Variants in NPSR1 observed in about 807,000 individuals in gnomAD.
NPSR1 encodes the protein neuropeptide S receptor.
NPSR1 carries 48 observed loss-of-function variants against 46.9 expected under a neutral mutation model. The ratio of observed to expected loss-of-function variants is 1.02; its 90% CI spans 0.81 to 1.30. The LOEUF is 1.30. Ranked by LOEUF, NPSR1 falls within the 50% of genes most tolerant of loss-of-function variation. The pLI is 0.00. For missense variants in NPSR1, 450 were observed against 449.5 expected (o/e 1.00, Z -0.01); for synonymous variants, 176 against 168.1 (o/e 1.05, Z -0.36).
intron 4 of NPSR1, among the ~76,000 whole-genome samples, chr7:34,823,306 C>A (rs964270223): frequency 6.7e-6 from 1 of 148,484 alleles, no homozygotes; most frequent in African/African-American, 2.5e-5. Context: ...GCACAAGAAT[C>A]GCTTGAACCT....
chr7:34,730,041 T>G (rs1354848986), intron 2 of NPSR1, among the ~76,000 whole-genome samples: 1 of 152,230 alleles, frequency 6.6e-6, no homozygotes, highest in Non-Finnish European at 1.5e-5. Flanking sequence ...CCCAAAGTGC[T>G]GGGATTACAG....
intron 2 of NPSR1, chr7:34,753,780 T>C (rs1223854070): frequency 1.3e-5 from 2 of 152,052 alleles, no homozygotes; most frequent in Non-Finnish European, 2.9e-5. Context: ...GGAAGGAGGA[T>C]TGCTTGAAGC....
chr7:34,687,653 C>T (rs1310916417), intron 2 of NPSR1, among the ~76,000 whole-genome samples: 1 of 152,160 alleles, frequency 6.6e-6, no homozygotes, highest in Non-Finnish European at 1.5e-5. Flanking sequence ...GCCCTTGACA[C>T]ATGGGGGTTA....
At chr7:34,820,309 T>G (rs1789490244) in intron 4 of NPSR1, among the ~76,000 whole-genome samples, 1 of 152,178 alleles carries the variant, frequency 6.6e-6, no homozygotes, top group Admixed American at 6.5e-5. Context: ...GGTTTAGAAG[T>G]TAATTTTAAA....
intron 2 of NPSR1, among the ~76,000 whole-genome samples, chr7:34,745,667 C>T (rs1014623287): frequency 6.6e-5 from 10 of 152,130 alleles, no homozygotes; most frequent in African/African-American, 2.2e-4. Flanking sequence ...TATAGGTGTG[C>T]ACCACCAAGC....
intron 1 of NPSR1, among the ~76,000 whole-genome samples, chr7:34,668,578 A>G (rs11765573): frequency 0.059 from 9,029 of 152,186 alleles, 407 homozygotes; most frequent in Admixed American, 0.14. Context: ...GAAACAAATA[A>G]CTGGATATTC....
chr7:34,863,602 G>A (rs1791239197), intron 8 of NPSR1, among the ~76,000 whole-genome samples: 1 of 151,826 alleles, frequency 6.6e-6, no homozygotes, highest in Non-Finnish European at 1.5e-5. Flanking sequence ...AGACATTTAT[G>A]CAGCTAACAA....
At position 34,829,178 on chromosome 7, in the gene NPSR1, T is replaced by G. The variant is rs6979428; in HGVS notation, c.680+1576T>G. Among the ~76,000 whole-genome samples, 1,075 of 152,220 alleles carry G rather than the reference T, an allele frequency of 7.1e-3. 12 individuals are homozygous for G. Among genetic ancestry groups the G allele is most frequent in the African/African-American group, 0.025 (1,030 of 41,530 alleles). On this transcript the variant is annotated intron_variant, in intron 5 of 8. Coordinates refer to ENST00000360581, the MANE Select transcript of NPSR1 (RefSeq NM_207172.2). The stretch of plus-strand genomic sequence containing the variant: ...CCTGAATTTTTCATAAGAGTAGAAT[T>G]AAGACTAAAAGAAGTTAACTGCCTT...
intron 4 of NPSR1, among the ~76,000 whole-genome samples, chr7:34,819,986 G>T (rs948581955): frequency 6.6e-6 from 1 of 152,042 alleles, no homozygotes; most frequent in Non-Finnish European, 1.5e-5. Context: ...CAAGTTGATG[G>T]GTGCAGCAAA....
chr7:34,798,076 A>G (rs989883654), intron 3 of NPSR1, among the ~76,000 whole-genome samples: 12 of 152,214 alleles, frequency 7.9e-5, no homozygotes, highest in African/African-American at 2.9e-4. Context: ...AGCACAAATC[A>G]ATATAAAGGA....
At chr7:34,660,478 G>A (rs1367311200) in intron 1 of NPSR1, among the ~76,000 whole-genome samples, 2 of 152,096 alleles carry the variant, frequency 1.3e-5, no homozygotes, top group Non-Finnish European at 2.9e-5. Context: ...CATTTTATCT[G>A]ACATACTTCT....
At chr7:34,712,495 CT>C (rs1783349488) in intron 2 of NPSR1, among the ~76,000 whole-genome samples, 2 of 152,182 alleles carry the variant, frequency 1.3e-5, no homozygotes, top group South Asian at 4.1e-4. Context: ...AATGTTCCAT[CT>C]ATTTTTCTGT....
At chr7:34,712,979 G>C (rs1783376665) in intron 2 of NPSR1, among the ~76,000 whole-genome samples, 1 of 152,136 alleles carries the variant, frequency 6.6e-6, no homozygotes, top group African/African-American at 2.4e-5. Flanking sequence ...TCTAAATGGG[G>C]GGAAAAGTCC....
rs143865156 is a variant in NPSR1, at chr7:34,778,476, C to T, written c.295C>T (p.Leu99=). 35 of 1,603,388 alleles carry T rather than the reference C, an allele frequency of 2.2e-5. No individual in the cohort carries two copies. The African/African-American group carries it at 4.3e-4, about 20-fold the overall frequency. ...QLAITDSFTG[L]VNILTDINWR... ...GTTTTTGTTAGATTCTTTCACAGGACTGGTCAACATCTTGACAGATATTAA... is the reference window on the plus strand; with the variant it reads ...GTTTTTGTTAGATTCTTTCACAGGATTGGTCAACATCTTGACAGATATTAA... The change falls in exon 3 of 9, where the codon CTG becomes TTG. Residue 99 remains leucine, a synonymous_variant. Coordinates refer to ENST00000360581, the MANE Select transcript of NPSR1 (RefSeq NM_207172.2).
At chr7:34,775,124 T>A (rs1368478328) in intron 2 of NPSR1, among the ~76,000 whole-genome samples, 1 of 152,218 alleles carries the variant, frequency 6.6e-6, no homozygotes, top group African/African-American at 2.4e-5. Context: ...TAGACACTTC[T>A]TGTTGACTCT....
chr7:34,680,864 G>A (rs1425246845), intron 1 of NPSR1, among the ~76,000 whole-genome samples: 1 of 151,682 alleles, frequency 6.6e-6, no homozygotes, highest in African/African-American at 2.4e-5. Context: ...TAGAAATCAG[G>A]TTAGAGGTAA....
Position 34,707,921 on chromosome 7 carries a change from C to A in NPSR1, c.280+23237C>A, listed in dbSNP as rs138484938. 1.2e-4 allele frequency among the ~76,000 whole-genome samples: 19 copies of A among 152,248 alleles called. No individual in the cohort carries two copies. The East Asian group carries it at 3.1e-3, about 25-fold the overall frequency. On this transcript the variant is annotated intron_variant, in intron 2 of 8. Coordinates refer to ENST00000360581, the MANE Select transcript of NPSR1 (RefSeq NM_207172.2). Reference sequence around the variant, plus strand: ...AGTGTTGGCTAATTTTATTTTGAGGCCTTTCTCATTGGATTGTAGATGGCT... The same window carrying A: ...AGTGTTGGCTAATTTTATTTTGAGGACTTTCTCATTGGATTGTAGATGGCT...
At chr7:34,730,492 T>A (rs1583897400) in intron 2 of NPSR1, among the ~76,000 whole-genome samples, 1 of 152,158 alleles carries the variant, frequency 6.6e-6, no homozygotes, top group African/African-American at 2.4e-5. Flanking sequence ...AGGACATAGG[T>A]GTGTAGAGTA....
At chr7:34,762,316 T>C (rs901808917) in intron 2 of NPSR1, among the ~76,000 whole-genome samples, 3 of 152,200 alleles carry the variant, frequency 2.0e-5, no homozygotes, top group Non-Finnish European at 2.9e-5. Flanking sequence ...GTTGACAGTT[T>C]AGACCATTAG....
Sources: allele counts gnomAD v4.1 joint callset (sites outside exome capture counted in the v4.1 genomes callset), GRCh38; gene constraint gnomAD v4.1.1; transcripts MANE v1.5; gene names NCBI Gene and HGNC (gene_info 2026-07-23, HGNC 2026-07-21).